CHD9NB: variants seen among roughly 807,000 people sequenced by gnomAD.
CHD9NB encodes CHD9 neighbor.
the CHD9NB span, among the ~76,000 whole-genome samples, chr16:53,040,951 G>A: frequency 6.6e-6 from 1 of 152,116 alleles, no homozygotes; most frequent in African/African-American, 2.4e-5. Flanking sequence ...ATGGACAGAT[G>A]GAAAGAAAGA....
the CHD9NB span, chr16:53,036,057 T>C: frequency 2.6e-5 from 4 of 152,098 alleles, no homozygotes; most frequent in Non-Finnish European, 5.9e-5. Flanking sequence ...TCAAACCCTA[T>C]TTCCAAATTA....
At chr16:53,051,909 T>G in the CHD9NB span, among the ~76,000 whole-genome samples, 1 of 150,814 alleles carries the variant, frequency 6.6e-6, no homozygotes, top group Admixed American at 6.6e-5. Context: ...GGCATGTGCC[T>G]TGGAATAAGA....
the CHD9NB span, among the ~76,000 whole-genome samples, chr16:53,051,763 GTATAAATATATATATATATATA>G: frequency 2.3e-5 from 2 of 87,202 alleles, no homozygotes; most frequent in African/African-American, 1.3e-4. Flanking sequence ...CAACTTAAAA[GTATAAATATATATATATATATA>G]TATATATATA....
At chr16:53,044,740 A>G in the CHD9NB span, among the ~76,000 whole-genome samples, 1 of 152,184 alleles carries the variant, frequency 6.6e-6, no homozygotes, top group African/African-American at 2.4e-5. Context: ...TGTGCCAAGA[A>G]CAGTTCACAT....
the CHD9NB span, among the ~76,000 whole-genome samples, chr16:53,036,701 C>G: frequency 6.6e-6 from 1 of 152,340 alleles, no homozygotes; most frequent in Non-Finnish European, 1.5e-5. Context: ...ATAAAATTAA[C>G]CACACAGTGC....
chr16:53,040,822 C>A, the CHD9NB span, among the ~76,000 whole-genome samples: 1 of 151,926 alleles, frequency 6.6e-6, no homozygotes, highest in Admixed American at 6.6e-5. Context: ...AGGGTAAGAG[C>A]TGAATGTATG....
the CHD9NB span, among the ~76,000 whole-genome samples, chr16:53,045,146 G>A: frequency 6.6e-6 from 1 of 151,868 alleles, no homozygotes; most frequent in Non-Finnish European, 1.5e-5. Flanking sequence ...GAGTTGGAGG[G>A]TGGTGGGGTT....
chr16:53,042,945 T>C, the CHD9NB span: 2 of 152,206 alleles, frequency 1.3e-5, no homozygotes, highest in East Asian at 3.9e-4. Flanking sequence ...AAACCGTCTA[T>C]GGAAAGTCCT....
the CHD9NB span, among the ~76,000 whole-genome samples, chr16:53,052,357 A>T: frequency 6.6e-6 from 1 of 152,114 alleles, no homozygotes; most frequent in Non-Finnish European, 1.5e-5. Flanking sequence ...ATGAACAATG[A>T]TCACCTGGAT....
At chr16:53,051,904 G>A in the CHD9NB span, among the ~76,000 whole-genome samples, 1 of 150,428 alleles carries the variant, frequency 6.6e-6, no homozygotes, top group African/African-American at 2.5e-5. Context: ...TTCAGGGCAT[G>A]TGCCTTGGAA....
the CHD9NB span, among the ~76,000 whole-genome samples, chr16:53,051,768 AATATATATATATATAT>A: frequency 0.12 from 12,240 of 104,466 alleles, 880 homozygotes; most frequent in East Asian, 0.2. Flanking sequence ...TAAAAGTATA[AATATATATATATATAT>A]ATATATATAT....
chr16:53,042,228 C>A, the CHD9NB span, among the ~76,000 whole-genome samples: 1 of 151,304 alleles, frequency 6.6e-6, no homozygotes. Context: ...TTCTCGCCCA[C>A]CCTCTCCCCA....
chr16:53,043,983 C>A, the CHD9NB span: 15 of 398,844 alleles, frequency 3.8e-5, no homozygotes, highest in East Asian at 2.1e-4. Flanking sequence ...GAGGGTCCGA[C>A]TCTGGAGAGA....
At chr16:53,038,348 TTATC>T in the CHD9NB span, among the ~76,000 whole-genome samples, 1 of 152,118 alleles carries the variant, frequency 6.6e-6, no homozygotes, top group African/African-American at 2.4e-5. Flanking sequence ...ATAATTTTAT[TTATC>T]TATTTATTTT....
At chr16:53,045,732 C>A in the CHD9NB span, among the ~76,000 whole-genome samples, 58 of 152,304 alleles carry the variant, frequency 3.8e-4, no homozygotes, top group African/African-American at 1.3e-3. Flanking sequence ...CTTGGTTACT[C>A]CTCCCAATCA....
the CHD9NB span, chr16:53,042,859 G>T: frequency 6.6e-6 from 1 of 152,408 alleles, no homozygotes; most frequent in Non-Finnish European, 1.5e-5. Flanking sequence ...GCTCCTTCCT[G>T]GCTGCCCAAA....
chr16:53,043,015 C>T, the CHD9NB span: 1 of 152,286 alleles, frequency 6.6e-6, no homozygotes, highest in Non-Finnish European at 1.5e-5. Flanking sequence ...TCCTGTTCCA[C>T]AGAATTACAC....
At chr16:53,046,546 G>A in the CHD9NB span, among the ~76,000 whole-genome samples, 6 of 151,944 alleles carry the variant, frequency 3.9e-5, no homozygotes, top group Non-Finnish European at 5.9e-5. Flanking sequence ...TTAGATGAGC[G>A]TGGTGGGGCA....
chr16:53,042,049 AT>A, the CHD9NB span, among the ~76,000 whole-genome samples: 1 of 152,030 alleles, frequency 6.6e-6, no homozygotes, highest in East Asian at 1.9e-4. Flanking sequence ...CTCCTTCCTT[AT>A]TTTTTCCTCA....
Sources: allele counts gnomAD v4.1 joint callset (sites outside exome capture counted in the v4.1 genomes callset), GRCh38; gene constraint gnomAD v4.1.1; transcripts MANE v1.5; gene names NCBI Gene and HGNC (gene_info 2026-07-23, HGNC 2026-07-21).